The following CCDC18 variants were observed in gnomAD, a reference collection of about 807,000 sequenced individuals.
CCDC18 encodes coiled-coil domain-containing protein 18.
In CCDC18, 157 loss-of-function variants were observed where a neutral mutation model predicts 196.0. That is an observed-to-expected ratio of 0.80 (90% CI 0.70 to 0.91). The LOEUF is 0.91. CCDC18 is among the 40% of genes least tolerant of loss of function. CCDC18 has a pLI of 0.00. For synonymous variants in CCDC18, 482 were observed against 529.2 expected (o/e 0.91, Z 1.22); for missense variants, 1,465 against 1,611.6 (o/e 0.91, Z 1.56).
intron 6 of CCDC18, among the ~76,000 whole-genome samples, chr1:93,195,043 G>T (rs1652475511): frequency 6.6e-6 from 1 of 152,088 alleles, no homozygotes; most frequent in Non-Finnish European, 1.5e-5. Flanking sequence ...GCTAATTATT[G>T]TATTTTTAGT....
In CCDC18 at chr1:93,246,895, A is replaced by C; in HGVS notation, c.3139A>C (p.Ile1047Leu). 1 of 1,545,358 alleles carries C rather than the reference A, an allele frequency of 6.5e-7. No homozygotes were observed. Among genetic ancestry groups the C allele is most frequent in the South Asian group, 1.2e-5 (1 of 84,990 alleles). Residue 1047 changes from isoleucine (I) to leucine (L), a missense_variant, in exon 23 of 29, where the codon ATT becomes CTT. Transcript: ENST00000690025. ...CAGAGGAGAAATGGAACAAAAAATA[A>C]TTAAATTAGAAGGTACTCTGGAGAA... is the stretch of plus-strand genomic sequence containing the variant. ...EHRGEMEQKI[I>L]KLEGTLEKSE...
chr1:93,237,101 A>C (rs1349126176), intron 19 of CCDC18, among the ~76,000 whole-genome samples: 2 of 152,134 alleles, frequency 1.3e-5, no homozygotes, highest in Non-Finnish European at 2.9e-5. Context: ...CACTAAAACC[A>C]CATGTCCCCA....
chr1:93,234,904 C>T (rs1407473591), intron 18 of CCDC18, among the ~76,000 whole-genome samples: 7 of 147,908 alleles, frequency 4.7e-5, no homozygotes, highest in African/African-American at 1.8e-4. Flanking sequence ...CCACTTCTGC[C>T]TTCCAAGTGC....
intron 19 of CCDC18, among the ~76,000 whole-genome samples, chr1:93,238,231 G>A (rs1660308674): frequency 6.6e-6 from 1 of 152,098 alleles, no homozygotes; most frequent in African/African-American, 2.4e-5. Context: ...GAGCTAATTG[G>A]TCAAGCTAAA....
intron 28 of CCDC18, among the ~76,000 whole-genome samples, chr1:93,277,961 T>C (rs1665717642): frequency 6.6e-6 from 1 of 152,030 alleles, no homozygotes. Context: ...GCCAGAATTA[T>C]TTGCTTTTAT....
chr1:93,270,301 T>C (rs1299090498), intron 27 of CCDC18, 46 bp from the exon 28 acceptor site: 1 of 1,118,404 alleles, frequency 8.9e-7, no homozygotes, highest in African/African-American at 1.6e-5. Flanking sequence ...TTCATTCATT[T>C]AACAAAAATG....
chr1:93,265,067 A>G, intron 27 of CCDC18, 166 bp downstream of exon 27: 1 of 568,508 alleles, frequency 1.8e-6, no homozygotes, highest in South Asian at 2.3e-5. Context: ...TATTAAGATG[A>G]TGTACATCTT....
At position 93,260,639 on chromosome 1, in the gene CCDC18, A is replaced by AT. The variant is rs778206864; in HGVS notation, c.3684+1756dup. Among the ~76,000 whole-genome samples, 155 of 151,754 alleles carry AT rather than the reference A, an allele frequency of 1.0e-3. 1 individual carries two copies. The highest frequency in any genetic ancestry group is 1.7e-3 in the Non-Finnish European group (114 of 67,922). On this transcript the variant is annotated intron_variant, in intron 26 of 28. Transcript: ENST00000690025. ...TTATACTTTCTTTTTTTTTTAATAC[A>AT]TTAAGTTCTGGGGTACGTGTGCAGA...
intron 28 of CCDC18, among the ~76,000 whole-genome samples, chr1:93,274,394 T>TC (rs1271274810): frequency 1.3e-5 from 2 of 151,998 alleles, no homozygotes; most frequent in Non-Finnish European, 2.9e-5. Context: ...AGAGCGAGAC[T>TC]CCATCTCTAA....
intron 4 of CCDC18, 76 bp downstream of exon 4, chr1:93,186,579 G>T: frequency 1.7e-6 from 2 of 1,193,082 alleles, no homozygotes; most frequent in Non-Finnish European, 2.4e-6. Flanking sequence ...AATATTCCTT[G>T]TATTGCCACA....
chr1:93,180,483 C>T (rs1649342741), upstream of CCDC18: 1 of 1,514,478 alleles, frequency 6.6e-7, no homozygotes, highest in South Asian at 1.2e-5. Flanking sequence ...CCCCCTCAGG[C>T]CAGGCGTGAG....
Position 93,221,891 on chromosome 1 carries a change from A to G in CCDC18, c.2130A>G (p.Glu710=), listed in dbSNP as rs757955417. Residue 710 remains glutamate (E), a synonymous_variant, in exon 16 of 29, where the codon GAA becomes GAG. Transcript: ENST00000690025. ...EMKKENMKKD[E]ALKALQNQVS... ...AAAAGGAAAATATGAAGAAAGATGA[A>G]GCTTTAAAAGCATTACAGAACCAAG... The G allele has an allele frequency of 6.2e-7, 1 of 1,602,008 alleles. No homozygotes were observed. The highest frequency in any genetic ancestry group is 1.7e-5 in the Admixed American group (1 of 59,004).
intron 28 of CCDC18, among the ~76,000 whole-genome samples, chr1:93,277,613 T>A (rs1267558973): frequency 6.8e-6 from 1 of 146,652 alleles, no homozygotes; most frequent in Non-Finnish European, 1.5e-5. Context: ...GAGCACGGGG[T>A]TGGGGGTAAG....
intron 18 of CCDC18, among the ~76,000 whole-genome samples, chr1:93,235,908 T>C (rs1660010294): frequency 6.6e-6 from 1 of 152,114 alleles, no homozygotes; most frequent in Non-Finnish European, 1.5e-5. Context: ...TAGGAATCTA[T>C]TGAGTGAGCC....
intron 7 of CCDC18, among the ~76,000 whole-genome samples, chr1:93,203,136 C>A (rs1051216259): frequency 2.0e-5 from 3 of 152,024 alleles, no homozygotes; most frequent in African/African-American, 7.2e-5. Flanking sequence ...GATGAAGGAG[C>A]TGAGTAGGTA....
chr1:93,204,744 C>A (rs1266354367), intron 7 of CCDC18, among the ~76,000 whole-genome samples: 1 of 149,490 alleles, frequency 6.7e-6, no homozygotes, highest in Non-Finnish European at 1.5e-5. Flanking sequence ...GTACTGAAAT[C>A]TTTTTTTTTT....
intron 28 of CCDC18, chr1:93,271,084 A>T (rs1180825746): frequency 1.0e-6 from 1 of 983,398 alleles, no homozygotes; most frequent in Non-Finnish European, 1.2e-6. Context: ...GCTTAAAAAT[A>T]AAAAAATTAA....
At chr1:93,212,341 A>ATT in intron 11 of CCDC18, 80 bp downstream of exon 11, 1 of 919,550 alleles carries the variant, frequency 1.1e-6, no homozygotes, top group Non-Finnish European at 1.5e-6. Context: ...TTTTATTTAA[A>ATT]TTTTTTTTTT....
At chr1:93,242,565 T>C (rs1273972126) in intron 21 of CCDC18, among the ~76,000 whole-genome samples, 1 of 152,164 alleles carries the variant, frequency 6.6e-6, no homozygotes, top group Non-Finnish European at 1.5e-5. Context: ...TCAAAACAAA[T>C]TATGCCTTCC....
Sources: allele counts gnomAD v4.1 joint callset (sites outside exome capture counted in the v4.1 genomes callset), GRCh38; gene constraint gnomAD v4.1.1; transcripts MANE v1.5; gene names NCBI Gene and HGNC (gene_info 2026-07-23, HGNC 2026-07-21).